Variants in PXDN observed in about 807,000 individuals in gnomAD.
The protein encoded by PXDN is peroxidasin homolog.
In PXDN, 77 loss-of-function variants were observed where a neutral mutation model predicts 140.3. The ratio of observed to expected loss-of-function variants is 0.55; its 90% CI spans 0.46 to 0.66. The LOEUF (loss-of-function observed/expected upper bound fraction) is 0.66, where lower values mean the gene tolerates loss of function less well. PXDN is among the 30% of genes least tolerant of loss of function. The pLI, the probability that PXDN is intolerant of heterozygous loss-of-function variation, is 0.00. For missense variants in PXDN, 1,838 were observed against 2,039.5 expected, an observed-to-expected ratio of 0.90 and a Z score of 1.90; for synonymous variants, 911 against 857.4, an observed-to-expected ratio of 1.06 and a Z score of -1.09.
rs767758619 is a variant in PXDN at position 1,648,556 on chromosome 2, G to A, written c.3224C>T (p.Thr1075Met). The A allele has an allele frequency of 5.0e-6, 8 of 1,613,684 alleles. No individual in the cohort carries two copies. The highest frequency in any genetic ancestry group is 1.1e-5 in the South Asian group (1 of 91,082). Residue 1075 changes from threonine (T) to methionine (M), a missense_variant, in exon 17 of 23, where the codon ACG (threonine) becomes ATG (methionine). By Grantham distance (81) the Thr-to-Met change is moderately conservative (BLOSUM62 -1). This residue lies in a region of PXDN where 850 missense variants were observed against 894.1 expected (regional missense o/e 0.95). Transcript: ENST00000252804. This position sits in a 1 kb window ranked among gnomAD's most constrained non-coding sequence, Gnocchi z 8.9. ...FATAAFRFGHTLVNPLLYRLD... is the reference protein window; with the variant it reads ...FATAAFRFGHMLVNPLLYRLD... ...CCGGTAAAGCAGTGGGTTGACAAGC[G>A]TGTGGCCAAACCTGAAGGCCGCGGT...
rs566074927 is a variant in PXDN, at chr2:1,640,623, C to T, written c.3953-1201G>A. Among the ~76,000 whole-genome samples, 136 of 152,344 alleles carry T rather than the reference C, an allele frequency of 8.9e-4. 2 individuals carry two copies. Among genetic ancestry groups the T allele is most frequent in the African/African-American group, 3.2e-3 (133 of 41,576 alleles). ...AGCTGGCTGGACCCCTCGCTTCTTC[C>T]ACCCACAAATCGTCTCAGGAGCAGA... On this transcript the variant is annotated intron_variant, in intron 19 of 22. Coordinates refer to ENST00000252804, the MANE Select transcript of PXDN (RefSeq NM_012293.3).
intron 1 of PXDN, 32 bp downstream of exon 1, chr2:1,744,224 C>T (rs1269715170): frequency 2.7e-6 from 4 of 1,463,200 alleles, no homozygotes; most frequent in Non-Finnish European, 1.8e-6. Context: ...AGCCCCGGAC[C>T]CCGCGCCCCC....
intron 7 of PXDN, among the ~76,000 whole-genome samples, chr2:1,679,831 T>G (rs1303134660): frequency 6.8e-6 from 1 of 146,494 alleles, no homozygotes; most frequent in Non-Finnish European, 1.5e-5. Flanking sequence ...GGTGTGTGTG[T>G]GGATGGTGTG....
rs908832696 is a variant in PXDN at position 1,632,514 on chromosome 2, G to A, written c.*1690C>T. 1 of 152,230 alleles carries A rather than the reference G, an allele frequency of 6.6e-6. No homozygotes were observed. Among genetic ancestry groups the A allele is most frequent in the African/African-American group, 2.4e-5 (1 of 41,452 alleles). 9.4% of individuals were successfully genotyped at this position (152,230 alleles called of 1,614,324 possible). On this transcript the variant is annotated 3_prime_UTR_variant, in exon 23 of 23. Transcript: ENST00000252804. The surrounding 1 kb of genome is among the most constrained non-coding windows in gnomAD (Gnocchi z 4.3). ...TTTTATCAATCACTTACCAATATGA[G>A]GTTAAGAAGTTAAGACAACCATTTT...
chr2:1,679,591 G>T (rs554658328), intron 7 of PXDN, among the ~76,000 whole-genome samples: 1 of 137,022 alleles, frequency 7.3e-6, no homozygotes, highest in African/African-American at 3.1e-5. Flanking sequence ...TGGTGTGTGC[G>T]TGTATGTGCG....
chr2:1,679,854 C>T (rs62649807), intron 7 of PXDN, among the ~76,000 whole-genome samples: 43,058 of 99,784 alleles, frequency 0.43, 7,841 homozygotes, highest in South Asian at 0.49. Context: ...TGTGTATGTG[C>T]GTGTGTGTGG....
At chr2:1,717,840 TACCC>T (rs1684929472) in intron 1 of PXDN, among the ~76,000 whole-genome samples, 1 of 147,832 alleles carries the variant, frequency 6.8e-6, no homozygotes, top group African/African-American at 2.5e-5. Flanking sequence ...AAACCTGCTC[TACCC>T]ACTAACCGAC....
intron 1 of PXDN, among the ~76,000 whole-genome samples, chr2:1,706,794 A>G (rs1173579578): frequency 7.6e-6 from 1 of 132,434 alleles, no homozygotes. Flanking sequence ...GTGATCACCA[A>G]TCAGCTCTAA....
At position 1,648,108 on chromosome 2, in the gene PXDN, C is replaced by G. The variant is rs1056554492; in HGVS notation, c.3608+64G>C. The G allele has an allele frequency of 4.6e-5, 72 of 1,550,440 alleles. No homozygotes were observed. Among genetic ancestry groups the G allele is most frequent in the Non-Finnish European group, 6.0e-5 (68 of 1,139,076 alleles). On this transcript the variant is annotated intron_variant, in intron 17 of 22. Coordinates refer to ENST00000252804, the MANE Select transcript of PXDN (RefSeq NM_012293.3). The surrounding 1 kb of genome is among the most constrained non-coding windows in gnomAD (Gnocchi z 8.9). ...CACACAGAGACAAATAACACACACA[C>G]CACAGTTCAGGTGTTCCAGGTGCCT...
At chr2:1,744,744 C>T (rs904202524), upstream of PXDN, 6 of 269,274 alleles carry the variant, frequency 2.2e-5, no homozygotes, top group African/African-American at 6.7e-5. Context: ...CCTGATTCTG[C>T]GCTCGAGACT....
In PXDN at chr2:1,714,809, C is replaced by G. The variant is rs1684858930; in HGVS notation, c.201-21675G>C. ...TAGCTCTTGGGCCGGACAAACCAGG[C>G]CTGGGTCAGATGGGGCCCCTGGCCA... is the stretch of plus-strand genomic sequence containing the variant. On this transcript the variant is annotated intron_variant, in intron 1 of 22. Coordinates refer to ENST00000252804, the MANE Select transcript of PXDN (RefSeq NM_012293.3). The surrounding 1 kb of genome is among the most constrained non-coding windows in gnomAD (Gnocchi z 4.3). Among the ~76,000 whole-genome samples, 1 of 152,166 alleles carries G rather than the reference C, an allele frequency of 6.6e-6. No homozygotes were observed. Among genetic ancestry groups the G allele is most frequent in the Non-Finnish European group, 1.5e-5 (1 of 68,030 alleles).
chr2:1,739,493 G>A (rs980492481), intron 1 of PXDN, among the ~76,000 whole-genome samples: 5 of 152,176 alleles, frequency 3.3e-5, no homozygotes, highest in Non-Finnish European at 7.3e-5. Flanking sequence ...AGGAAGGCAA[G>A]ATCTAACAAT....
chr2:1,671,051 A>C, intron 9 of PXDN, among the ~76,000 whole-genome samples: 1 of 152,310 alleles, frequency 6.6e-6, no homozygotes, highest in South Asian at 2.1e-4. Flanking sequence ...CATCCAGACA[A>C]ACACTGGGAG....
At chr2:1,634,617 C>G (rs888366169) in intron 22 of PXDN, among the ~76,000 whole-genome samples, 14 of 152,202 alleles carry the variant, frequency 9.2e-5, no homozygotes, top group African/African-American at 3.1e-4. Context: ...GCCAAGACCA[C>G]CAGCTGGACA....
intron 1 of PXDN, among the ~76,000 whole-genome samples, chr2:1,704,929 C>A (rs1003842349): frequency 1.3e-5 from 2 of 152,068 alleles, no homozygotes; most frequent in African/African-American, 4.8e-5. Context: ...CAACCATTAT[C>A]ACATGACATT....
At chr2:1,677,605 G>A (rs561144380) in intron 7 of PXDN, among the ~76,000 whole-genome samples, 100 of 152,148 alleles carry the variant, frequency 6.6e-4, no homozygotes, top group African/African-American at 2.3e-3. Context: ...CATGGCTTCC[G>A]AGGGCCATCC....
Position 1,683,744 on chromosome 2 carries a change from T to C in PXDN, c.489-17A>G, listed in dbSNP as rs1426519595. 1 of 1,571,198 alleles carries C rather than the reference T, an allele frequency of 6.4e-7. No homozygotes were observed. The highest frequency in any genetic ancestry group is 8.7e-7 in the Non-Finnish European group (1 of 1,154,232). On this transcript the variant is annotated splice_polypyrimidine_tract_variant and intron_variant, in intron 5 of 22. Coordinates refer to ENST00000252804, the MANE Select transcript of PXDN (RefSeq NM_012293.3). Reference sequence around the variant, plus strand: ...TGCAAAAATCTGTTGAAAGAGATTTTATAACAAACCAATTTTGAAAAATAT... The same window carrying C: ...TGCAAAAATCTGTTGAAAGAGATTTCATAACAAACCAATTTTGAAAAATAT...
At position 1,700,211 on chromosome 2, in the gene PXDN, G is replaced by A. The variant is rs551423751; in HGVS notation, c.201-7077C>T. Reference sequence around the variant, plus strand: ...CAAGTAGCTGGGATTACAGGCGCATGCCACTGCGCCCAGCTAATTTTTGTA... The same window carrying A: ...CAAGTAGCTGGGATTACAGGCGCATACCACTGCGCCCAGCTAATTTTTGTA... On this transcript the variant is annotated intron_variant, in intron 1 of 22. Transcript: ENST00000252804. Among the ~76,000 whole-genome samples the A allele has an allele frequency of 9.9e-5, 15 of 152,198 alleles. No individual in the cohort carries two copies. The South Asian group carries it at 3.1e-3, about 32-fold the overall frequency.
intron 11 of PXDN, 186 bp from the exon 12 acceptor site, chr2:1,663,949 G>A: frequency 1.6e-6 from 1 of 642,166 alleles, no homozygotes; most frequent in Non-Finnish European, 2.7e-6. Flanking sequence ...GAACGTCCCT[G>A]CACCCGTAAC....
Sources: gnomAD v4.1 joint callset for allele counts (sites outside exome capture counted in the v4.1 genomes callset) on GRCh38, gnomAD v4.1.1 for gene constraint, gnomAD v4.1.1 regional missense constraint, Gnocchi (gnomAD v3.1) non-coding constraint, MANE v1.5 for transcripts, NCBI Gene and HGNC (gene_info 2026-07-23, HGNC 2026-07-21) for gene names.